Variants in ANKS1B observed in about 807,000 individuals in gnomAD.
The protein encoded by ANKS1B is ankyrin repeat and sterile alpha motif domain containing 1B.
A neutral mutation model predicts 148.3 loss-of-function variants in ANKS1B; 36 were observed. That is an observed-to-expected ratio of 0.24 (90% CI 0.19 to 0.32). ANKS1B has a LOEUF of 0.32. Among genes scored for constraint, ANKS1B ranks in the 10% least tolerant of loss-of-function variants. The pLI, the probability that ANKS1B is intolerant of heterozygous loss-of-function variation, is 1.00. For synonymous variants in ANKS1B, 542 were observed against 560.8 expected (o/e 0.97, Z 0.47); for missense variants, 1,157 against 1,542.6 (o/e 0.75, Z 4.19).
intron 9 of ANKS1B, among the ~76,000 whole-genome samples, chr12:99,639,559 C>T (rs73387912): frequency 0.012 from 1,762 of 152,250 alleles, 36 homozygotes; most frequent in African/African-American, 0.04. Context: ...ACAACCCCCA[C>T]GTCATGGGAG....
intron 19 of ANKS1B, among the ~76,000 whole-genome samples, chr12:98,826,768 G>A (rs2099251968): frequency 6.6e-6 from 1 of 152,164 alleles, no homozygotes; most frequent in South Asian, 2.1e-4. Context: ...AAGAACTGGA[G>A]GAATGGAGCT....
At chr12:99,738,432 G>A (rs2059807310) in intron 8 of ANKS1B, among the ~76,000 whole-genome samples, 1 of 152,092 alleles carries the variant, frequency 6.6e-6, no homozygotes, top group African/African-American at 2.4e-5. Context: ...TTCTATGTCT[G>A]AAAAAGCTCT....
chr12:99,197,859 A>C (rs963437060), intron 14 of ANKS1B, among the ~76,000 whole-genome samples: 1 of 152,188 alleles, frequency 6.6e-6, no homozygotes, highest in South Asian at 2.1e-4. Flanking sequence ...GAAAGATAAT[A>C]AATTTTTATC....
chr12:98,921,551 T>G (rs1378638432), intron 17 of ANKS1B, among the ~76,000 whole-genome samples: 3 of 152,184 alleles, frequency 2.0e-5, no homozygotes. Context: ...CTAATAAGGT[T>G]TTAAAGAAAA....
intron 14 of ANKS1B, among the ~76,000 whole-genome samples, chr12:99,174,244 T>C (rs934171050): frequency 2.0e-5 from 3 of 152,158 alleles, no homozygotes; most frequent in African/African-American, 7.2e-5. Flanking sequence ...GCCATGTAAA[T>C]GAACTTTGAA....
intron 12 of ANKS1B, among the ~76,000 whole-genome samples, chr12:99,307,592 G>A (rs1242457431): frequency 6.6e-6 from 1 of 152,080 alleles, no homozygotes; most frequent in Non-Finnish European, 1.5e-5. Flanking sequence ...AGAAGGAAGA[G>A]GCAAAGAAGT....
At chr12:99,632,322 G>A (rs1375051376) in intron 9 of ANKS1B, among the ~76,000 whole-genome samples, 2 of 152,052 alleles carry the variant, frequency 1.3e-5, no homozygotes, top group Non-Finnish European at 1.5e-5. Context: ...GGGGTCTCAG[G>A]CACAGACTTG....
At chr12:99,667,758 A>G (rs1458583431) in intron 8 of ANKS1B, among the ~76,000 whole-genome samples, 2 of 152,216 alleles carry the variant, frequency 1.3e-5, no homozygotes, top group Non-Finnish European at 2.9e-5. Context: ...GTTTACTAAA[A>G]GTTTGTATCA....
intron 11 of ANKS1B, among the ~76,000 whole-genome samples, chr12:99,429,560 T>C (rs562088675): frequency 1.3e-5 from 2 of 152,312 alleles, no homozygotes; most frequent in South Asian, 2.1e-4. Flanking sequence ...ATTAGGACAA[T>C]TGGTGAAGTT....
At chr12:99,877,811 C>T (rs2092217802) in intron 1 of ANKS1B, among the ~76,000 whole-genome samples, 1 of 152,174 alleles carries the variant, frequency 6.6e-6, no homozygotes, top group Non-Finnish European at 1.5e-5. Context: ...AATCCCAACT[C>T]TTTGGGAGGC....
At chr12:98,969,846 C>T (rs918287624) in intron 17 of ANKS1B, among the ~76,000 whole-genome samples, 14 of 152,188 alleles carry the variant, frequency 9.2e-5, no homozygotes, top group Admixed American at 3.3e-4. Context: ...GGCTACTCCA[C>T]GACCCAGGCT....
chr12:99,885,636 T>C (rs112240758), intron 1 of ANKS1B, among the ~76,000 whole-genome samples: 9,568 of 152,020 alleles, frequency 0.063, 334 homozygotes, highest in Middle Eastern at 0.15. Context: ...GGCGTACAAG[T>C]AGTTTTTGGT....
At chr12:99,372,016 G>A (rs2093161814) in intron 12 of ANKS1B, among the ~76,000 whole-genome samples, 1 of 152,078 alleles carries the variant, frequency 6.6e-6, no homozygotes, top group South Asian at 2.1e-4. Context: ...GATTTTCAGG[G>A]CAGTGAAATA....
In ANKS1B at chr12:99,825,340, C is replaced by G. The variant is rs777665652; in HGVS notation, c.184G>C (p.Ala62Pro). ...VNCTDSSGYT[A>P]LHHAALNGHK... ...CCATTTAAGGCTGCGTGGTGTAAAG[C>G]AGTGTAACCCGAACTGTCTGTGCAG... Residue 62 changes from alanine to proline, a missense_variant, in exon 2 of 27, where the codon GCT (alanine) becomes CCT (proline). This residue lies in a region of ANKS1B where 164 missense variants were observed against 232.6 expected (regional missense o/e 0.71). Coordinates refer to ENST00000683438, the MANE Select transcript of ANKS1B (RefSeq NM_001352186.2). 6.2e-7 allele frequency: 1 copy of G among 1,612,848 alleles called. No homozygotes were observed. The highest frequency in any genetic ancestry group is 1.7e-5 in the Admixed American group (1 of 59,882).
chr12:99,659,720 A>C (rs2098466990), intron 8 of ANKS1B, among the ~76,000 whole-genome samples: 1 of 152,206 alleles, frequency 6.6e-6, no homozygotes, highest in Non-Finnish European at 1.5e-5. Flanking sequence ...CATAATTTAT[A>C]AAATGCTTTC....
chr12:99,458,159 AC>A (rs1231732969), intron 10 of ANKS1B, among the ~76,000 whole-genome samples: 1 of 152,102 alleles, frequency 6.6e-6, no homozygotes, highest in Non-Finnish European at 1.5e-5. Context: ...AAACTGAATA[AC>A]CTACTCCTGA....
At chr12:98,946,308 C>A (rs1009138051) in intron 17 of ANKS1B, among the ~76,000 whole-genome samples, 6 of 152,196 alleles carry the variant, frequency 3.9e-5, no homozygotes, top group Non-Finnish European at 7.3e-5. Flanking sequence ...GGAGCTCCTT[C>A]CCTATCCCTG....
intron 12 of ANKS1B, among the ~76,000 whole-genome samples, chr12:99,386,939 G>A (rs899417350): frequency 6.6e-6 from 1 of 152,162 alleles, no homozygotes; most frequent in Non-Finnish European, 1.5e-5. Context: ...TCCCAGCAAA[G>A]CAAATATTCT....
intron 20 of ANKS1B, among the ~76,000 whole-genome samples, chr12:98,806,205 C>T (rs143010328): frequency 1.3e-3 from 199 of 152,252 alleles, no homozygotes; most frequent in Non-Finnish European, 2.3e-3. Flanking sequence ...GAAAAAGTTT[C>T]CTAAGGATGT....
Sources: gnomAD v4.1 joint callset for allele counts (sites outside exome capture counted in the v4.1 genomes callset) on GRCh38, gnomAD v4.1.1 for gene constraint, gnomAD v4.1.1 regional missense constraint, MANE v1.5 for transcripts, NCBI Gene and HGNC (gene_info 2026-07-23, HGNC 2026-07-21) for gene names.